ACYP2: variants seen among roughly 807,000 people sequenced by gnomAD.
ACYP2 encodes the protein acylphosphatase-2.
ACYP2 carries 12 observed loss-of-function variants against 11.2 expected under a neutral mutation model. The observed-to-expected ratio is 1.08, with a 90% CI of 0.69 to 1.74. The LOEUF (loss-of-function observed/expected upper bound fraction) is 1.74. Among genes scored for constraint, ACYP2 ranks in the 40% most tolerant of loss-of-function variants. The pLI, the probability that ACYP2 is intolerant of heterozygous loss-of-function variation, is 0.00. For missense variants in ACYP2, 134 were observed against 101.9 expected (o/e 1.31, Z -1.35); for synonymous variants, 43 against 32.2 (o/e 1.33, Z -1.13).
intron 6 of ACYP2, among the ~76,000 whole-genome samples, chr2:54,165,762 C>A (rs968229525): frequency 1.3e-5 from 2 of 152,102 alleles, no homozygotes; most frequent in Non-Finnish European, 2.9e-5. Flanking sequence ...TTCTTCCCTA[C>A]CCCTGCCCCA....
intron 6 of ACYP2, among the ~76,000 whole-genome samples, chr2:54,152,486 A>G (rs1682226594): frequency 6.6e-6 from 1 of 152,112 alleles, no homozygotes; most frequent in Non-Finnish European, 1.5e-5. Context: ...GCATGTGTCT[A>G]CCATTATAGT....
In ACYP2 at chr2:54,255,774, C is replaced by A. The variant is rs772753210; in HGVS notation, c.405-48914C>A. 3 of 1,613,928 alleles carry A rather than the reference C, an allele frequency of 1.9e-6. No homozygotes were observed. Among genetic ancestry groups the A allele is most frequent in the Non-Finnish European group, 1.7e-6 (2 of 1,180,040 alleles). On this transcript the variant is annotated intron_variant, in intron 6 of 6. Transcript: ENST00000607452. ...CTGCCCCACAGGTTTCTAGAGCCTT[C>A]TCCCCACCTAGGCCGTGCGTCTCTT...
intron 2 of ACYP2, among the ~76,000 whole-genome samples, chr2:54,025,621 A>C (rs1674242920): frequency 6.6e-6 from 1 of 152,222 alleles, no homozygotes; most frequent in Admixed American, 6.5e-5. Context: ...AACCATAAAA[A>C]TTCTGAAAGA....
chr2:54,232,387 G>T (rs1439127166), intron 6 of ACYP2, among the ~76,000 whole-genome samples: 1 of 152,086 alleles, frequency 6.6e-6, no homozygotes, highest in Non-Finnish European at 1.5e-5. Context: ...TAGACCAGGG[G>T]CTTGGGGTCA....
chr2:53,992,199 TC>T (rs1005529342), intron 2 of ACYP2, among the ~76,000 whole-genome samples: 1 of 151,634 alleles, frequency 6.6e-6, no homozygotes, highest in African/African-American at 2.4e-5. Context: ...TCTCCTTCCT[TC>T]CTTCCTTTCT....
intron 6 of ACYP2, among the ~76,000 whole-genome samples, chr2:54,293,242 A>G (rs1689388423): frequency 6.6e-6 from 1 of 152,226 alleles, no homozygotes; most frequent in African/African-American, 2.4e-5. Context: ...CCACTGTGCC[A>G]GCACCTATTC....
intron 4 of ACYP2, among the ~76,000 whole-genome samples, chr2:54,102,197 A>G (rs1678932760): frequency 6.6e-6 from 1 of 152,240 alleles, no homozygotes; most frequent in South Asian, 2.1e-4. Flanking sequence ...TCAGCATATC[A>G]TCAATAACAC....
chr2:54,105,534 A>G (rs1198712141), intron 4 of ACYP2, among the ~76,000 whole-genome samples: 1 of 151,984 alleles, frequency 6.6e-6, no homozygotes, highest in East Asian at 1.9e-4. Flanking sequence ...GCTAGAGTAC[A>G]GTGGCATGAT....
At chr2:54,023,828 C>G (rs1338008553) in intron 2 of ACYP2, among the ~76,000 whole-genome samples, 1 of 152,046 alleles carries the variant, frequency 6.6e-6, no homozygotes, top group Non-Finnish European at 1.5e-5. Context: ...AAAAAAATGT[C>G]CAGGACCAGA....
At chr2:54,012,290 A>C (rs907012976) in intron 2 of ACYP2, among the ~76,000 whole-genome samples, 5 of 151,664 alleles carry the variant, frequency 3.3e-5, no homozygotes, top group African/African-American at 1.2e-4. Context: ...ACGATCACTT[A>C]AGTTTAGGAG....
intron 6 of ACYP2, among the ~76,000 whole-genome samples, chr2:54,141,611 C>T (rs1254385788): frequency 6.6e-6 from 1 of 152,170 alleles, no homozygotes; most frequent in African/African-American, 2.4e-5. Context: ...TTCCACTGAT[C>T]TATTTCTCTG....
At chr2:54,231,644 A>G (rs1686241220) in intron 6 of ACYP2, among the ~76,000 whole-genome samples, 1 of 152,342 alleles carries the variant, frequency 6.6e-6, no homozygotes, top group Admixed American at 6.5e-5. Flanking sequence ...TTATGAAAAA[A>G]CAAATATATA....
intron 6 of ACYP2, among the ~76,000 whole-genome samples, chr2:54,150,739 CTTTTT>C (rs11295809): frequency 6.6e-5 from 9 of 137,378 alleles, no homozygotes; most frequent in Non-Finnish European, 9.3e-5. Flanking sequence ...GCGTTTCTTT[CTTTTT>C]TTTTTTTTTT....
chr2:54,057,221 C>G, intron 3 of ACYP2: 1 of 397,534 alleles, frequency 2.5e-6, no homozygotes, highest in Non-Finnish European at 4.4e-6. Context: ...TTACTGTTCT[C>G]ACATATTTTG....
chr2:54,039,541 C>T (rs985230933), intron 2 of ACYP2, among the ~76,000 whole-genome samples: 1 of 152,136 alleles, frequency 6.6e-6, no homozygotes, highest in South Asian at 2.1e-4. Context: ...ATCCACTCAC[C>T]TTGGCCTCCC....
intron 6 of ACYP2, among the ~76,000 whole-genome samples, chr2:54,141,564 A>G (rs937765438): frequency 6.6e-6 from 1 of 152,202 alleles, no homozygotes; most frequent in Admixed American, 6.5e-5. Flanking sequence ...TTAAAATCTC[A>G]TATAGACTGG....
chr2:54,231,594 T>G (rs1176521758), intron 6 of ACYP2, among the ~76,000 whole-genome samples: 4 of 152,200 alleles, frequency 2.6e-5, no homozygotes, highest in Admixed American at 2.6e-4. Context: ...GTTTGTTTCC[T>G]CATGTATCAG....
intron 2 of ACYP2, among the ~76,000 whole-genome samples, chr2:53,981,244 G>A (rs542095071): frequency 9.2e-5 from 14 of 152,228 alleles, no homozygotes; most frequent in African/African-American, 3.1e-4. Context: ...TTTGGAATTT[G>A]AACAATGATT....
intron 6 of ACYP2, among the ~76,000 whole-genome samples, chr2:54,292,654 G>A (rs1689357333): frequency 7.6e-6 from 1 of 130,784 alleles, no homozygotes; most frequent in African/African-American, 2.9e-5. Flanking sequence ...TTCTGATTGT[G>A]TGTGTATATA....
Sources: gnomAD v4.1 joint callset for allele counts (sites outside exome capture counted in the v4.1 genomes callset) on GRCh38, gnomAD v4.1.1 for gene constraint, MANE v1.5 for transcripts, NCBI Gene and HGNC (gene_info 2026-07-23, HGNC 2026-07-21) for gene names.